The following CASC3 variants were observed in gnomAD, a reference collection of about 807,000 sequenced individuals.
The protein encoded by CASC3 is protein CASC3.
In CASC3, 30 loss-of-function variants were observed where a neutral mutation model predicts 80.5. The ratio of observed to expected loss-of-function variants is 0.37; its 90% CI spans 0.28 to 0.51. The LOEUF is 0.51. CASC3 is among the 20% of genes least tolerant of loss of function. CASC3 has a pLI of 0.94. For missense variants in CASC3, 824 were observed against 922.2 expected (o/e 0.89, Z 1.38); for synonymous variants, 312 against 333.6 (o/e 0.94, Z 0.70).
In CASC3 at chr17:40,167,629, T is replaced by C; in HGVS notation, c.1651+17T>C. 1 of 1,585,752 alleles carries C rather than the reference T, an allele frequency of 6.3e-7. No individual in the cohort carries two copies. The highest frequency in any genetic ancestry group is 8.7e-7 in the Non-Finnish European group (1 of 1,154,472). On this transcript the variant is annotated intron_variant, in intron 9 of 13. Coordinates refer to ENST00000264645, the MANE Select transcript of CASC3 (RefSeq NM_007359.5). ...ATGATCCACGTGAGTTTTTTCTTAC[T>C]GTTGGGGTACTTTTCTTGGCAGGGT...
Position 40,170,717 on chromosome 17 carries a change from G to C in CASC3, c.*312G>C. ...GATACAGAAGCCCATGTCTTCTGCT[G>C]TTCTTCACTTCTGGGAAATTGAAGT... is the stretch of plus-strand genomic sequence containing the variant. On this transcript the variant is annotated 3_prime_UTR_variant, in exon 14 of 14. Transcript: ENST00000264645. 10 of 985,570 alleles carry C rather than the reference G, an allele frequency of 1.0e-5. No individual in the cohort carries two copies. Among genetic ancestry groups the C allele is most frequent in the Non-Finnish European group, 1.2e-5 (10 of 829,922 alleles). 61.1% of individuals were successfully genotyped at this position (985,570 alleles called of 1,614,324 possible).
chr17:40,140,949 G>A (rs1414419452), intron 1 of CASC3, 170 bp downstream of exon 1: 1 of 647,446 alleles, frequency 1.5e-6, no homozygotes, highest in African/African-American at 1.8e-5. Context: ...GGAGTTCCAA[G>A]GGAAGAAGAA....
Position 40,167,932 on chromosome 17 carries a change from G to A in CASC3, c.1734G>A (p.Met578Ile). The change falls in exon 10 of 14, where the codon ATG (methionine) becomes ATA (isoleucine). Residue 578 changes from methionine to isoleucine, a missense_variant. By Grantham distance (10) the Met-to-Ile change is conservative (BLOSUM62 1). Around this residue, in one of 3 missense-constraint regions of CASC3, gnomAD observed 464 missense variants for 506.0 expected, o/e 0.92. Coordinates refer to ENST00000264645, the MANE Select transcript of CASC3 (RefSeq NM_007359.5). Reference protein sequence around the residue: ...PPQGMLVQPGMNLPHPGLHPH... With the variant: ...PPQGMLVQPGINLPHPGLHPH... ...AGGGCATGCTTGTGCAGCCAGGAAT[G>A]AACCTTCCCCACCCAGGTAAGCTTT... 1 of 1,614,078 alleles carries A rather than the reference G, an allele frequency of 6.2e-7. No homozygotes were observed. Among genetic ancestry groups the A allele is most frequent in the African/African-American group, 1.3e-5 (1 of 75,022 alleles).
At chr17:40,155,579 C>G (rs969079493) in intron 3 of CASC3, among the ~76,000 whole-genome samples, 1 of 152,106 alleles carries the variant, frequency 6.6e-6, no homozygotes. Context: ...ACGACAGGCC[C>G]GTGGCCTCGG....
intron 3 of CASC3, among the ~76,000 whole-genome samples, chr17:40,150,840 G>A (rs539607712): frequency 7.2e-5 from 11 of 152,092 alleles, no homozygotes; most frequent in Non-Finnish European, 1.5e-4. Context: ...GTGAAACCCC[G>A]TCTCTACTAA....
chr17:40,172,050 C>T lies in CASC3; in HGVS notation c.*1645C>T, dbSNP rs1989606054. 2 of 1,289,870 alleles carry T rather than the reference C, an allele frequency of 1.6e-6. No homozygotes were observed. Among genetic ancestry groups the T allele is most frequent in the Non-Finnish European group, 2.0e-6 (2 of 988,892 alleles). The allele number at this position is 1,289,870 out of a possible 1,614,324, so 79.9% of individuals were successfully genotyped here. A position where few individuals can be genotyped will look rare whatever the true frequency, so the allele number is the denominator to read the frequency against. ...ACTGTGAGAGTTGTCTCTGTTGGTC[C>T]ACTGTGTTTAGTTGCAAGGATTTTT... is the stretch of plus-strand genomic sequence containing the variant. On this transcript the variant is annotated 3_prime_UTR_variant, in exon 14 of 14. Transcript: ENST00000264645.
Position 40,141,574 on chromosome 17 carries a change from T to C in CASC3, c.264T>C (p.Val88=). 1 of 1,613,752 alleles carries C rather than the reference T, an allele frequency of 6.2e-7. No homozygotes were observed. Among genetic ancestry groups the C allele is most frequent in the Non-Finnish European group, 8.5e-7 (1 of 1,179,766 alleles). ...CATATTTCTGTTTTATTTCAGCTGT[T>C]CTCTCGGATTATGAAAGTGCAGAAG... ...ESEDGIEGDA[V]LSDYESAEDS... is the part of the protein sequence containing the mutation. The change falls in exon 3 of 14, where the codon GTT becomes GTC. Residue 88 remains valine, a synonymous_variant. Coordinates refer to ENST00000264645, the MANE Select transcript of CASC3 (RefSeq NM_007359.5).
rs1011499422 is a variant in CASC3 at position 40,158,417 on chromosome 17, C to T, written c.298-3336C>T. ...ATGTAACCCACCAATGAAGACTAGACCACCTTTCCTTGAACCCATTTCTCT... is the reference window on the plus strand; with the variant it reads ...ATGTAACCCACCAATGAAGACTAGATCACCTTTCCTTGAACCCATTTCTCT... On this transcript the variant is annotated intron_variant, in intron 3 of 13. Transcript: ENST00000264645. Among the ~76,000 whole-genome samples, 3 of 152,176 alleles carry T rather than the reference C, an allele frequency of 2.0e-5. No homozygotes were observed. In the South Asian group the frequency reaches 6.2e-4, roughly 31 times the overall value.
chr17:40,149,892 G>T (rs778594504), intron 3 of CASC3, among the ~76,000 whole-genome samples: 1 of 151,832 alleles, frequency 6.6e-6, no homozygotes, highest in Admixed American at 6.6e-5. Context: ...GAGCCTGGGC[G>T]ACAGAGCGAG....
chr17:40,167,364 T>C (rs1989477334), intron 8 of CASC3, 134 bp from the exon 9 acceptor site: 3 of 621,738 alleles, frequency 4.8e-6, no homozygotes, highest in Non-Finnish European at 8.7e-6. Context: ...TTTTCATTAT[T>C]TTTCAGCTCA....
intron 2 of CASC3, 22 bp downstream of exon 2, chr17:40,141,256 A>G (rs751314242): frequency 6.2e-6 from 10 of 1,608,772 alleles, no homozygotes; most frequent in Non-Finnish European, 8.5e-6. Context: ...CTTTTACCCC[A>G]TTAGGACAAG....
In CASC3 at chr17:40,163,605, ACCGGC is replaced by A; in HGVS notation, c.912_916del (p.Gly305TyrfsTer21). The stretch of plus-strand genomic sequence containing the variant: ...ATTTATTAACAGGAATGCTGCAGGT[ACCGGC>A]CGTATGTCTGCACCCAGGAATTATT... On this transcript the variant is annotated frameshift_variant, in exon 7 of 14. Transcript: ENST00000264645. LOFTEE classifies it high-confidence loss of function. The A allele has an allele frequency of 6.2e-7, 1 of 1,614,152 alleles. No individual in the cohort carries two copies. The highest frequency in any genetic ancestry group is 8.5e-7 in the Non-Finnish European group (1 of 1,180,028).
At chr17:40,161,079 A>T (rs1394063541) in intron 3 of CASC3, among the ~76,000 whole-genome samples, 1 of 151,892 alleles carries the variant, frequency 6.6e-6, no homozygotes, top group Non-Finnish European at 1.5e-5. Flanking sequence ...TCCCTGGTTC[A>T]AACGATTTTC....
At chr17:40,160,685 C>G (rs1487624390) in intron 3 of CASC3, among the ~76,000 whole-genome samples, 4 of 152,072 alleles carry the variant, frequency 2.6e-5, no homozygotes, top group African/African-American at 9.7e-5. Flanking sequence ...GTCACCCAGG[C>G]TGGAGTGCAG....
intron 11 of CASC3, chr17:40,168,771 G>A (rs1989518503): frequency 3.5e-6 from 1 of 284,692 alleles, no homozygotes; most frequent in Non-Finnish European, 6.8e-6. Context: ...TGTATTTCTA[G>A]TAGAGATGGC....
At chr17:40,168,074 C>A in intron 10 of CASC3, 126 bp downstream of exon 10, 2 of 1,268,194 alleles carry the variant, frequency 1.6e-6, no homozygotes, top group South Asian at 1.3e-5. Context: ...GCTGCTTGGG[C>A]AACAAGTTCC....
intron 3 of CASC3, among the ~76,000 whole-genome samples, chr17:40,158,686 G>A (rs975651305): frequency 6.6e-6 from 1 of 152,130 alleles, no homozygotes; most frequent in African/African-American, 2.4e-5. Flanking sequence ...TCTTGATGTG[G>A]TAAAAGAGGG....
intron 10 of CASC3, 120 bp downstream of exon 10, chr17:40,168,068 C>G: frequency 7.7e-7 from 1 of 1,297,688 alleles, no homozygotes; most frequent in Non-Finnish European, 1.1e-6. Flanking sequence ...ATCCTGGCTG[C>G]TTGGGCAACA....
intron 3 of CASC3, among the ~76,000 whole-genome samples, chr17:40,152,390 C>A (rs1177280650): frequency 6.6e-6 from 1 of 151,608 alleles, no homozygotes; most frequent in Non-Finnish European, 1.5e-5. Context: ...GGCATGATCT[C>A]AGCTCACTGC....
Sources: allele counts gnomAD v4.1 joint callset (sites outside exome capture counted in the v4.1 genomes callset), GRCh38; gene constraint gnomAD v4.1.1; regional missense constraint gnomAD v4.1.1; transcripts MANE v1.5; gene names NCBI Gene and HGNC (gene_info 2026-07-23, HGNC 2026-07-21).